Variants in PTPRD observed in about 807,000 individuals in gnomAD.
PTPRD encodes the protein receptor-type tyrosine-protein phosphatase delta.
PTPRD carries 34 observed loss-of-function variants against 214.5 expected under a neutral mutation model. The observed-to-expected ratio is 0.16, with a 90% CI of 0.12 to 0.21. PTPRD has a LOEUF of 0.21. PTPRD is among the 10% of genes least tolerant of loss of function. The pLI, the probability that PTPRD is intolerant of heterozygous loss-of-function variation, is 1.00. For synonymous variants in PTPRD, 1,128 were observed against 845.7 expected (o/e 1.33, Z -5.79); for missense variants, 2,545 against 2,398.7 (o/e 1.06, Z -1.27).
chr9:9,441,691 G>T (rs1341648207), intron 8 of PTPRD, among the ~76,000 whole-genome samples: 1 of 151,812 alleles, frequency 6.6e-6, no homozygotes, highest in Non-Finnish European at 1.5e-5. Context: ...ATAATTTAGA[G>T]TTAAAACCGA....
chr9:8,841,807 T>C (rs1164088432), intron 11 of PTPRD, among the ~76,000 whole-genome samples: 2 of 150,750 alleles, frequency 1.3e-5, no homozygotes, highest in African/African-American at 4.9e-5. Flanking sequence ...AGGTCAAGAG[T>C]TCAAGACCAG....
chr9:9,370,793 C>T (rs1465119490), intron 9 of PTPRD, among the ~76,000 whole-genome samples: 1 of 152,038 alleles, frequency 6.6e-6, no homozygotes, highest in Non-Finnish European at 1.5e-5. Flanking sequence ...CCCATCAATA[C>T]CTAATTTATT....
At position 8,418,877 on chromosome 9, in the gene PTPRD, T is replaced by G. The variant is rs1288722721; in HGVS notation, c.4087-14217A>C. Among the ~76,000 whole-genome samples the G allele has an allele frequency of 6.6e-5, 10 of 152,140 alleles. No individual in the cohort carries two copies. The East Asian group carries it at 1.9e-3, about 29-fold the overall frequency. On this transcript the variant is annotated intron_variant, in intron 35 of 45. Coordinates refer to ENST00000381196, the MANE Select transcript of PTPRD (RefSeq NM_002839.4). Reference sequence around the variant, plus strand: ...AGTATACTGGAAGAATAAAAATACCTTCTCAGATCCAATAGTAGGCAAATT... The same window carrying G: ...AGTATACTGGAAGAATAAAAATACCGTCTCAGATCCAATAGTAGGCAAATT...
intron 4 of PTPRD, among the ~76,000 whole-genome samples, chr9:9,973,725 A>C (rs2154052777): frequency 6.6e-6 from 1 of 152,318 alleles, no homozygotes; most frequent in Non-Finnish European, 1.5e-5. Flanking sequence ...CTTTGAGCTA[A>C]GAAAGGATAT....
chr9:9,139,055 A>T (rs1442974519), intron 10 of PTPRD, among the ~76,000 whole-genome samples: 3 of 152,164 alleles, frequency 2.0e-5, no homozygotes, highest in African/African-American at 7.2e-5. Flanking sequence ...CTCAAATCCA[A>T]ATTTGGGTAT....
At chr9:10,426,526 C>T (rs369303736) in intron 2 of PTPRD, among the ~76,000 whole-genome samples, 19 of 151,856 alleles carry the variant, frequency 1.3e-4, no homozygotes, top group African/African-American at 4.6e-4. Context: ...GTTTAAAAGC[C>T]ATTGGTCCAT....
chr9:10,223,455 A>T (rs561459550), intron 3 of PTPRD, among the ~76,000 whole-genome samples: 1 of 151,936 alleles, frequency 6.6e-6, no homozygotes, highest in East Asian at 1.9e-4. Context: ...ACTTGAGGCC[A>T]GGAGTTAGGA....
chr9:8,920,089 C>G (rs1050224559), intron 11 of PTPRD, among the ~76,000 whole-genome samples: 1 of 151,998 alleles, frequency 6.6e-6, no homozygotes, highest in Non-Finnish European at 1.5e-5. Flanking sequence ...AGCTGTAATC[C>G]TAGCACTTTG....
rs1036793711 is a variant in PTPRD, at chr9:10,088,216, A to C, written c.-544-54426T>G. ...GATTATATCTTCATGACAATCCACAAAATGAACTTTATACCTACCAAAGTG... is the reference window on the plus strand; with the variant it reads ...GATTATATCTTCATGACAATCCACACAATGAACTTTATACCTACCAAAGTG... On this transcript the variant is annotated intron_variant, in intron 3 of 45. Coordinates refer to ENST00000381196, the MANE Select transcript of PTPRD (RefSeq NM_002839.4). Among the ~76,000 whole-genome samples the C allele has an allele frequency of 4.0e-5, 6 of 151,788 alleles. No individual in the cohort carries two copies. In the East Asian group the frequency reaches 1.2e-3, roughly 30 times the overall value.
intron 36 of PTPRD, among the ~76,000 whole-genome samples, chr9:8,392,284 G>C (rs922350616): frequency 1.3e-5 from 2 of 152,018 alleles, no homozygotes; most frequent in Non-Finnish European, 2.9e-5. Context: ...CGACACTTTG[G>C]GGAGGCTGAG....
At position 9,417,308 on chromosome 9, in the gene PTPRD, A is replaced by G. The variant is rs139074660; in HGVS notation, c.-236-19826T>C. Reference sequence around the variant, plus strand: ...AGGTAAAATAAATTCAGATTGATATAGATTCATTCCACAAACATCAATAAT... The same window carrying G: ...AGGTAAAATAAATTCAGATTGATATGGATTCATTCCACAAACATCAATAAT... On this transcript the variant is annotated intron_variant, in intron 8 of 45. Coordinates refer to ENST00000381196, the MANE Select transcript of PTPRD (RefSeq NM_002839.4). 1.8e-3 allele frequency among the ~76,000 whole-genome samples: 271 copies of G among 152,270 alleles called. 1 individual carries two copies. The Middle Eastern group carries it at 0.054, about 31-fold the overall frequency.
At chr9:9,148,554 C>T (rs1292384130) in intron 10 of PTPRD, among the ~76,000 whole-genome samples, 3 of 152,078 alleles carry the variant, frequency 2.0e-5, no homozygotes, top group African/African-American at 7.2e-5. Flanking sequence ...ATTTTTGCAT[C>T]TACTATTGAA....
chr9:8,388,168 C>A (rs2087917044), intron 37 of PTPRD, among the ~76,000 whole-genome samples: 2 of 152,140 alleles, frequency 1.3e-5, no homozygotes, highest in Admixed American at 6.5e-5. Flanking sequence ...TCTGTCTGAG[C>A]TTTTCCCTTA....
Position 9,429,978 on chromosome 9 carries a change from T to C in PTPRD, c.-236-32496A>G, listed in dbSNP as rs1031035485. Among the ~76,000 whole-genome samples, 159 of 152,292 alleles carry C rather than the reference T, an allele frequency of 1.0e-3. 1 individual carries two copies. Among genetic ancestry groups the C allele is most frequent in the African/African-American group, 3.7e-3 (152 of 41,572 alleles). Reference sequence around the variant, plus strand: ...TGGGCAAAAACTGGAAGCATTCCCTTTGAAAACTGGCACAAGACAGGGATG... The same window carrying C: ...TGGGCAAAAACTGGAAGCATTCCCTCTGAAAACTGGCACAAGACAGGGATG... On this transcript the variant is annotated intron_variant, in intron 8 of 45. Coordinates refer to ENST00000381196, the MANE Select transcript of PTPRD (RefSeq NM_002839.4).
intron 3 of PTPRD, among the ~76,000 whole-genome samples, chr9:10,073,764 C>G (rs776165129): frequency 9.2e-5 from 14 of 152,162 alleles, no homozygotes; most frequent in Admixed American, 2.0e-4. Context: ...CTCTTATTGA[C>G]AAGGGCCAGA....
chr9:9,628,802 A>T (rs1445372975), intron 7 of PTPRD, among the ~76,000 whole-genome samples: 1 of 152,032 alleles, frequency 6.6e-6, no homozygotes, highest in African/African-American at 2.4e-5. Context: ...ATAGGAATAA[A>T]ATCATTATAT....
intron 11 of PTPRD, among the ~76,000 whole-genome samples, chr9:8,948,277 C>G (rs1343840113): frequency 6.8e-6 from 1 of 147,822 alleles, no homozygotes; most frequent in African/African-American, 2.5e-5. Context: ...CTCAGCCTCC[C>G]AAAGTGCTGG....
chr9:9,471,323 T>G (rs2094571708), intron 8 of PTPRD, among the ~76,000 whole-genome samples: 1 of 152,188 alleles, frequency 6.6e-6, no homozygotes, highest in African/African-American at 2.4e-5. Flanking sequence ...CTAGCTGAAC[T>G]TATTATACTG....
intron 9 of PTPRD, among the ~76,000 whole-genome samples, chr9:9,254,819 G>C (rs2099977024): frequency 6.6e-6 from 1 of 151,942 alleles, no homozygotes. Flanking sequence ...TCAGTTCCTG[G>C]ATTTGAATTC....
Sources: gnomAD v4.1 joint callset for allele counts (sites outside exome capture counted in the v4.1 genomes callset) on GRCh38, gnomAD v4.1.1 for gene constraint, MANE v1.5 for transcripts, NCBI Gene and HGNC (gene_info 2026-07-23, HGNC 2026-07-21) for gene names.